TTC28: variants seen among roughly 807,000 people sequenced by gnomAD.
The protein encoded by TTC28 is tetratricopeptide repeat protein 28.
A neutral mutation model predicts 198.0 loss-of-function variants in TTC28; 61 were observed. That is an observed-to-expected ratio of 0.31 (90% CI 0.25 to 0.38). The LOEUF (loss-of-function observed/expected upper bound fraction) is 0.38. Among genes scored for constraint, TTC28 ranks in the 10% least tolerant of loss-of-function variants. The pLI, the probability that TTC28 is intolerant of heterozygous loss-of-function variation, is 1.00. For missense variants in TTC28, 2,678 were observed against 3,164.0 expected (o/e 0.85, Z 3.69); for synonymous variants, 1,171 against 1,297.8 (o/e 0.90, Z 2.10).
At chr22:28,417,077 A>G (rs1208095634) in intron 2 of TTC28, among the ~76,000 whole-genome samples, 3 of 152,038 alleles carry the variant, frequency 2.0e-5, no homozygotes, top group Admixed American at 1.3e-4. Flanking sequence ...TTATGCTGAC[A>G]TGGACCTTAG....
At chr22:28,210,408 G>A (rs1926827516) in intron 5 of TTC28, among the ~76,000 whole-genome samples, 2 of 152,104 alleles carry the variant, frequency 1.3e-5, no homozygotes, top group South Asian at 4.1e-4. Context: ...TTGGACGAGT[G>A]GCTAACTAGA....
At chr22:28,200,470 GC>G (rs2083696611) in intron 5 of TTC28, among the ~76,000 whole-genome samples, 1 of 151,834 alleles carries the variant, frequency 6.6e-6, no homozygotes, top group Admixed American at 6.6e-5. Flanking sequence ...AAAAAGAATG[GC>G]CCCAAAAGAA....
intron 2 of TTC28, among the ~76,000 whole-genome samples, chr22:28,609,671 C>G (rs925521474): frequency 6.6e-6 from 1 of 152,022 alleles, no homozygotes; most frequent in Non-Finnish European, 1.5e-5. Context: ...ACCGAGCTAG[C>G]TGCAGGAGTT....
intron 14 of TTC28, among the ~76,000 whole-genome samples, chr22:28,002,852 C>T (rs1937766542): frequency 6.6e-6 from 1 of 152,076 alleles, no homozygotes; most frequent in Non-Finnish European, 1.5e-5. Flanking sequence ...GGTGTGGTGG[C>T]ATGCACCTGT....
chr22:28,065,162 C>T, intron 12 of TTC28, among the ~76,000 whole-genome samples: 1 of 152,182 alleles, frequency 6.6e-6, no homozygotes, highest in East Asian at 1.9e-4. Context: ...CAGACTCTTA[C>T]CATGCTAGGG....
intron 2 of TTC28, among the ~76,000 whole-genome samples, chr22:28,429,643 T>G (rs1477878247): frequency 6.6e-6 from 1 of 152,212 alleles, no homozygotes; most frequent in Admixed American, 6.5e-5. Flanking sequence ...TTCTTTCCAA[T>G]TAATTGTATT....
Position 28,192,222 on chromosome 22 carries a change from G to T in TTC28, c.934-28623C>A, listed in dbSNP as rs190650872. Reference sequence around the variant, plus strand: ...AGCAAACTCCAACAGACTTGCAGCTGAGGGTCCTGACTGTCAGAAGGAAAA... The same window carrying T: ...AGCAAACTCCAACAGACTTGCAGCTTAGGGTCCTGACTGTCAGAAGGAAAA... On this transcript the variant is annotated intron_variant, in intron 5 of 22. Transcript: ENST00000397906. Among the ~76,000 whole-genome samples the T allele has an allele frequency of 2.0e-3, 304 of 152,328 alleles. 1 individual carries two copies. Among genetic ancestry groups the T allele is most frequent in the African/African-American group, 7.1e-3 (296 of 41,572 alleles).
chr22:28,183,710 C>T (rs1923922752), intron 5 of TTC28, among the ~76,000 whole-genome samples: 1 of 151,984 alleles, frequency 6.6e-6, no homozygotes, highest in Non-Finnish European at 1.5e-5. Context: ...TTATTAGACT[C>T]CTGAAATTAT....
At chr22:28,460,929 C>T (rs1292619460) in intron 2 of TTC28, among the ~76,000 whole-genome samples, 6 of 152,122 alleles carry the variant, frequency 3.9e-5, no homozygotes, top group Admixed American at 1.3e-4. Flanking sequence ...TACTCTCCTC[C>T]GACCTTGGCT....
intron 2 of TTC28, among the ~76,000 whole-genome samples, chr22:28,378,929 T>A (rs1160965245): frequency 1.3e-5 from 2 of 152,162 alleles, no homozygotes; most frequent in East Asian, 3.9e-4. Context: ...TGTTATTGCT[T>A]AAATAAAAAT....
chr22:28,618,051 T>C (rs1191673993), intron 2 of TTC28, among the ~76,000 whole-genome samples: 6 of 152,008 alleles, frequency 3.9e-5, no homozygotes, highest in Admixed American at 3.9e-4. Context: ...GGCAGGTGGA[T>C]CATCTGAGGT....
chr22:28,006,492 T>C (rs1937934200), intron 14 of TTC28: 2 of 152,232 alleles, frequency 1.3e-5, no homozygotes, highest in Admixed American at 6.5e-5. Flanking sequence ...TCATTCCCTT[T>C]CTCTCTGGCG....
intron 6 of TTC28, among the ~76,000 whole-genome samples, chr22:28,125,972 G>C (rs1392227092): frequency 6.6e-6 from 1 of 152,108 alleles, no homozygotes; most frequent in Non-Finnish European, 1.5e-5. Flanking sequence ...ATCCTTAGAG[G>C]ATCTGGAAAA....
At chr22:28,335,467 T>C (rs572527846) in intron 2 of TTC28, among the ~76,000 whole-genome samples, 1 of 152,222 alleles carries the variant, frequency 6.6e-6, no homozygotes, top group African/African-American at 2.4e-5. Flanking sequence ...TTCCACAATA[T>C]TGATTCTTCC....
At chr22:28,590,319 C>A (rs573179541) in intron 2 of TTC28, among the ~76,000 whole-genome samples, 1 of 151,822 alleles carries the variant, frequency 6.6e-6, no homozygotes. Flanking sequence ...TTAGTAGAGA[C>A]GGGGTTTCAC....
chr22:27,990,160 A>T, intron 20 of TTC28, 153 bp from the exon 21 acceptor site: 1 of 1,045,010 alleles, frequency 9.6e-7, no homozygotes, highest in East Asian at 2.8e-5. Flanking sequence ...AGGTGCATTC[A>T]TACCTACTGT....
At chr22:28,637,004 G>GTTTTTTTTTTTTTTTTTT (rs35849354) in intron 1 of TTC28, among the ~76,000 whole-genome samples, 1 of 97,306 alleles carries the variant, frequency 1.0e-5, no homozygotes, top group African/African-American at 3.8e-5. Context: ...CAGGTCTTCA[G>GTTTTTTTTTTTTTTTTTT]TTTTTTTTTT....
chr22:28,178,005 A>G (rs1923329468), intron 5 of TTC28, among the ~76,000 whole-genome samples: 1 of 152,160 alleles, frequency 6.6e-6, no homozygotes, highest in Non-Finnish European at 1.5e-5. Context: ...ACTTTAGTTA[A>G]TAATTATATA....
chr22:28,597,194 A>G (rs1033056706), intron 2 of TTC28, among the ~76,000 whole-genome samples: 1 of 152,208 alleles, frequency 6.6e-6, no homozygotes, highest in African/African-American at 2.4e-5. Flanking sequence ...AAAAAAACAC[A>G]TAACACCAAA....
Sources: allele counts gnomAD v4.1 joint callset (sites outside exome capture counted in the v4.1 genomes callset), GRCh38; gene constraint gnomAD v4.1.1; transcripts MANE v1.5; gene names NCBI Gene and HGNC (gene_info 2026-07-23, HGNC 2026-07-21).